UBR3: variants seen among roughly 807,000 people sequenced by gnomAD.
The protein encoded by UBR3 is E3 ubiquitin-protein ligase UBR3.
UBR3 carries 85 observed loss-of-function variants against 243.2 expected under a neutral mutation model. The observed-to-expected ratio is 0.35, with a 90% CI of 0.29 to 0.42. UBR3 has a LOEUF of 0.42. Among genes scored for constraint, UBR3 ranks in the 10% least tolerant of loss-of-function variants. The pLI is 1.00. For synonymous variants in UBR3, 748 were observed against 799.8 expected (o/e 0.94, Z 1.09); for missense variants, 1,686 against 2,300.8 (o/e 0.73, Z 5.47).
intron 32 of UBR3, among the ~76,000 whole-genome samples, chr2:170,045,085 AAAAG>A (rs1199112548): frequency 6.6e-6 from 1 of 152,168 alleles, no homozygotes; most frequent in Admixed American, 6.6e-5. Context: ...GGCAATTTAA[AAAAG>A]AAAGAGGTTT....
intron 1 of UBR3, among the ~76,000 whole-genome samples, chr2:169,853,127 T>G (rs2082721825): frequency 6.6e-6 from 1 of 152,182 alleles, no homozygotes; most frequent in East Asian, 1.9e-4. Context: ...AATTCCAGTT[T>G]GAAAGGTGAG....
At chr2:170,026,142 G>A (rs1175936664) in intron 30 of UBR3, among the ~76,000 whole-genome samples, 1 of 151,810 alleles carries the variant, frequency 6.6e-6, no homozygotes, top group African/African-American at 2.4e-5. Context: ...GCAGAAGAAG[G>A]GCACATAAAA....
rs190023772 is a variant in UBR3 at position 169,885,426 on chromosome 2, A to G, written c.1039-5739A>G. On this transcript the variant is annotated intron_variant, in intron 5 of 38. Coordinates refer to ENST00000272793, the MANE Select transcript of UBR3 (RefSeq NM_172070.4). ...GAGAAACCCCATTTCTACTAAAAAT[A>G]CAAAATTAGCCAGGCGTGGTGGCAC... 1.9e-3 allele frequency among the ~76,000 whole-genome samples: 293 copies of G among 152,274 alleles called. 8 individuals are homozygous for G. The East Asian group carries it at 0.046, about 24-fold the overall frequency.
At chr2:169,959,629 T>A (rs2087472772) in intron 24 of UBR3, among the ~76,000 whole-genome samples, 1 of 152,094 alleles carries the variant, frequency 6.6e-6, no homozygotes, top group African/African-American at 2.4e-5. Context: ...GAGAATTGGC[T>A]TATGTAATTA....
intron 32 of UBR3, among the ~76,000 whole-genome samples, chr2:170,053,305 G>C (rs1317255663): frequency 6.6e-6 from 1 of 152,158 alleles, no homozygotes; most frequent in Non-Finnish European, 1.5e-5. Context: ...GTATGTACTA[G>C]GAAGAGAGTA....
At chr2:169,846,658 C>T (rs563154915) in intron 1 of UBR3, among the ~76,000 whole-genome samples, 3 of 149,306 alleles carry the variant, frequency 2.0e-5, no homozygotes, top group Non-Finnish European at 4.4e-5. Context: ...TGCAGTGAGC[C>T]GAGATGGCAC....
rs760417498 is a variant in UBR3 at position 169,986,806 on chromosome 2, G to C, written c.3784+12G>C. On this transcript the variant is annotated intron_variant, in intron 25 of 38. Transcript: ENST00000272793. ...ACAAGCATCCTCAGGTAAAATCAAA[G>C]TAATTTTTTCATGGGAACATTTTAG... is the stretch of plus-strand genomic sequence containing the variant. The C allele has an allele frequency of 8.1e-6, 13 of 1,612,958 alleles. No individual in the cohort carries two copies.
chr2:169,860,347 A>T (rs1290196916), intron 1 of UBR3, among the ~76,000 whole-genome samples: 2 of 151,996 alleles, frequency 1.3e-5, no homozygotes, highest in East Asian at 1.9e-4. Context: ...AGTTACTTGG[A>T]CTCAGGGCTT....
intron 3 of UBR3, among the ~76,000 whole-genome samples, chr2:169,877,033 A>G (rs2083645259): frequency 6.6e-6 from 1 of 152,190 alleles, no homozygotes; most frequent in Non-Finnish European, 1.5e-5. Flanking sequence ...TGAATGGTGT[A>G]TTGTTATACA....
intron 1 of UBR3, among the ~76,000 whole-genome samples, chr2:169,860,393 C>A (rs550716809): frequency 3.8e-4 from 58 of 152,130 alleles, no homozygotes; most frequent in Admixed American, 4.6e-4. Context: ...TCAGAGCAAC[C>A]TTTAGTCTCA....
rs59525862 is a variant in UBR3, at chr2:169,894,322, GAAAAAAAAAAAAAA to G, written c.1106-845_1106-832del. Among the ~76,000 whole-genome samples the G allele has an allele frequency of 8.9e-5, 7 of 78,236 alleles. No individual in the cohort carries two copies. The Admixed American group carries it at 9.2e-4, about 10-fold the overall frequency. 51.3% of individuals were successfully genotyped at this position (78,236 alleles called of 152,430 possible). On this transcript the variant is annotated intron_variant, in intron 6 of 38. Coordinates refer to ENST00000272793, the MANE Select transcript of UBR3 (RefSeq NM_172070.4). ...TCCAGAGTGAGACCCTGACTCTTAA[GAAAAAAAAAAAAAA>G]AAAAAAAAAAAAAGATGTATAGTGT...
Position 169,827,995 on chromosome 2 carries a change from G to T in UBR3, c.488G>T (p.Arg163Leu). ...ACCGGACACGACTTCAACATGTTCCGCAGCCAGGCCGGGGGCGCCTGCGAC... is the reference window on the plus strand; with the variant it reads ...ACCGGACACGACTTCAACATGTTCCTCAGCCAGGCCGGGGGCGCCTGCGAC... ...DHTGHDFNMFRSQAGGACDCG... is the reference protein window; with the variant it reads ...DHTGHDFNMFLSQAGGACDCG... The change falls in exon 1 of 39, where the codon CGC becomes CTC. Residue 163 changes from arginine (R) to leucine (L), a missense_variant. Arg to Leu is a moderately radical substitution (Grantham distance 102). Transcript: ENST00000272793. The T allele has an allele frequency of 1.4e-6, 2 of 1,428,972 alleles. No individual in the cohort carries two copies. The highest frequency in any genetic ancestry group is 1.8e-6 in the Non-Finnish European group (2 of 1,084,164). The allele number at this position is 1,428,972 out of a possible 1,614,324, so 88.5% of individuals were successfully genotyped here. A position where few individuals can be genotyped will look rare whatever the true frequency, so the allele number is the denominator to read the frequency against.
In UBR3 at chr2:170,080,675, G is replaced by A. The variant is rs1462880912; in HGVS notation, c.5540G>A (p.Arg1847Gln). 6.2e-7 allele frequency: 1 copy of A among 1,613,634 alleles called. No homozygotes were observed. Among genetic ancestry groups the A allele is most frequent in the Non-Finnish European group, 8.5e-7 (1 of 1,179,778 alleles). Residue 1847 changes from arginine (R) to glutamine (Q), a missense_variant, in exon 38 of 39, where the codon CGG becomes CAG. Physicochemically the swap from Arg to Gln is conservative, Grantham distance 43. Around this residue, in one of 8 missense-constraint regions of UBR3, gnomAD observed 89 missense variants for 183.3 expected, o/e 0.49. Transcript: ENST00000272793. Reference protein sequence around the residue: ...VYLDAHGEEDRDLRRGKPLYI... With the variant: ...VYLDAHGEEDQDLRRGKPLYI... ...TTGGATGCTCATGGAGAGGAAGACC[G>A]GGATCTTAGGTTAGATGTTCATGGA... is the stretch of plus-strand genomic sequence containing the variant.
Position 169,994,397 on chromosome 2 carries a change from G to A in UBR3, c.3859G>A (p.Asp1287Asn), listed in dbSNP as rs1217417536. The change falls in exon 26 of 39, where the codon GAT becomes AAT. Residue 1287 changes from aspartate (D) to asparagine (N), a missense_variant. Transcript: ENST00000272793. ...TGAAGAGGAGCAGATTTACCCTTGG[G>A]ATACCTGTGCAGCCGTTCATGATGT... ...ISEEEQIYPW[D>N]TCAAVHDVRL... 1 of 1,614,122 alleles carries A rather than the reference G, an allele frequency of 6.2e-7. No homozygotes were observed. Among genetic ancestry groups the A allele is most frequent in the East Asian group, 2.2e-5 (1 of 44,880 alleles).
chr2:169,988,349 A>G (rs1177826127), intron 25 of UBR3, among the ~76,000 whole-genome samples: 1 of 152,220 alleles, frequency 6.6e-6, no homozygotes, highest in African/African-American at 2.4e-5. Context: ...TCTTGTTTTA[A>G]GCTTTTATTT....
At position 170,040,900 on chromosome 2, in the gene UBR3, A is replaced by G; in HGVS notation, c.4575A>G (p.Gln1525=). 1.9e-6 allele frequency: 3 copies of G among 1,613,390 alleles called. No individual in the cohort carries two copies. Among genetic ancestry groups the G allele is most frequent in the Non-Finnish European group, 2.5e-6 (3 of 1,179,648 alleles). Residue 1525 remains glutamine (Q), a synonymous_variant, in exon 32 of 39, where the codon CAA becomes CAG. Coordinates refer to ENST00000272793, the MANE Select transcript of UBR3 (RefSeq NM_172070.4). ...CTTTTAGGCTGGGATATGAAGAACA[A>G]CAGCCTGAGGTTCCAATTCTTTATC... ...EMNPQLGYEE[Q]QPEVPILYHD...
Position 169,907,166 on chromosome 2 carries a change from A to C in UBR3, c.1779+1002A>C, listed in dbSNP as rs369683233. ...ATTCTCCTGCCTGAGCCTCCCGAGT[A>C]GCTGGGATTACAGGTGTGCACCGGC... On this transcript the variant is annotated intron_variant, in intron 10 of 38. Transcript: ENST00000272793. 7.3e-5 allele frequency among the ~76,000 whole-genome samples: 11 copies of C among 150,538 alleles called. No homozygotes were observed. The East Asian group carries it at 2.2e-3, about 30-fold the overall frequency.
chr2:169,873,700 G>T (rs539541879), intron 2 of UBR3, among the ~76,000 whole-genome samples: 46 of 152,018 alleles, frequency 3.0e-4, no homozygotes, highest in African/African-American at 1.1e-3. Flanking sequence ...CCAAAAAAAA[G>T]AACAGAAAAA....
chr2:170,050,514 C>A (rs966895347), intron 32 of UBR3, among the ~76,000 whole-genome samples: 1 of 152,148 alleles, frequency 6.6e-6, no homozygotes, highest in Non-Finnish European at 1.5e-5. Context: ...AAAGAAACTA[C>A]AGGTAGTTTG....
Sources: allele counts gnomAD v4.1 joint callset (sites outside exome capture counted in the v4.1 genomes callset), GRCh38; gene constraint gnomAD v4.1.1; regional missense constraint gnomAD v4.1.1; transcripts MANE v1.5; gene names NCBI Gene and HGNC (gene_info 2026-07-23, HGNC 2026-07-21).